Variants in KALRN observed in about 807,000 individuals in gnomAD.
KALRN encodes kalirin RhoGEF kinase.
KALRN carries 70 observed loss-of-function variants against 353.7 expected under a neutral mutation model. The observed-to-expected ratio is 0.20, with a 90% CI of 0.16 to 0.24. The LOEUF is 0.24. KALRN is among the 10% of genes least tolerant of loss of function. The pLI is 1.00. For missense variants in KALRN, 2,791 were observed against 3,756.7 expected (o/e 0.74, Z 6.72); for synonymous variants, 1,391 against 1,434.8 (o/e 0.97, Z 0.69).
intron 19 of KALRN, among the ~76,000 whole-genome samples, chr3:124,444,317 A>G (rs907806547): frequency 1.5e-4 from 23 of 152,230 alleles, no homozygotes; most frequent in African/African-American, 5.5e-4. Flanking sequence ...TACAAGGAGC[A>G]AAGTCAAGTC....
At chr3:124,701,714 G>A (rs2062350370) in intron 56 of KALRN, among the ~76,000 whole-genome samples, 1 of 151,800 alleles carries the variant, frequency 6.6e-6, no homozygotes, top group South Asian at 2.1e-4. Flanking sequence ...GCTTTTCTAG[G>A]TCTTCAAAGT....
intron 1 of KALRN, among the ~76,000 whole-genome samples, chr3:124,102,330 T>G (rs1165503171): frequency 4.6e-5 from 7 of 152,144 alleles, no homozygotes; most frequent in African/African-American, 2.4e-5. Flanking sequence ...AACCTTCATA[T>G]TTTCTTGTGC....
At position 124,033,792 on chromosome 3, in the gene KALRN, G is replaced by C. The variant is rs930745958; in HGVS notation, c.52G>C (p.Val18Leu). Among the ~76,000 whole-genome samples the C allele has an allele frequency of 6.6e-6, 1 of 152,180 alleles. No homozygotes were observed. Among genetic ancestry groups the C allele is most frequent in the African/African-American group, 2.4e-5 (1 of 41,452 alleles). ...AEEGGAADSD[V>L]DAFFRTGSFR... ...GGAAGGAGGAGCAGCAGACTCGGAC[G>C]TGGACGCCTTTTTCCGGACAGGTAA... is the stretch of plus-strand genomic sequence containing the variant. Residue 18 changes from valine (V) to leucine (L), a missense_variant, in exon 1 of 60, where the codon GTG becomes CTG. Val to Leu is a conservative substitution (Grantham distance 32). Coordinates refer to ENST00000682506, the MANE Select transcript of KALRN (RefSeq NM_001388419.1). The surrounding 1 kb of genome is among the most constrained non-coding windows in gnomAD (Gnocchi z 6.2).
intron 1 of KALRN, among the ~76,000 whole-genome samples, chr3:124,113,422 G>T (rs544574207): frequency 1.3e-5 from 2 of 152,302 alleles, no homozygotes; most frequent in African/African-American, 4.8e-5. Context: ...AGGAAGGCAG[G>T]TTTTGAAAGG....
chr3:124,724,038 T>TC lies in KALRN; in HGVS notation c.*4568_*4569insC, dbSNP rs2063389810. Reference sequence around the variant, plus strand: ...GAGGACAAACCTTGAATCTTTTTTTTTTTTTTTAGGTGGTTAGGTCTTTTA... The same window carrying TC: ...GAGGACAAACCTTGAATCTTTTTTTTCTTTTTTTAGGTGGTTAGGTCTTTTA... On this transcript the variant is annotated 3_prime_UTR_variant, in exon 60 of 60. Transcript: ENST00000682506. 1 of 152,004 alleles carries TC rather than the reference T, an allele frequency of 6.6e-6. No homozygotes were observed. Among genetic ancestry groups the TC allele is most frequent in the Admixed American group, 6.6e-5 (1 of 15,230 alleles). 9.4% of individuals were successfully genotyped at this position (152,004 alleles called of 1,614,324 possible). A position where few individuals can be genotyped will look rare whatever the true frequency, so the allele number is the denominator to read the frequency against.
intron 1 of KALRN, among the ~76,000 whole-genome samples, chr3:124,106,747 C>T (rs538828929): frequency 6.6e-5 from 10 of 152,292 alleles, no homozygotes; most frequent in Admixed American, 3.3e-4. Context: ...TCGGCTGAGC[C>T]TGGATGTGAA....
At chr3:124,517,191 T>C (rs1230690807) in intron 33 of KALRN, among the ~76,000 whole-genome samples, 1 of 152,180 alleles carries the variant, frequency 6.6e-6, no homozygotes, top group East Asian at 1.9e-4. Flanking sequence ...TTGCTGTGAG[T>C]TACTTCACAA....
Position 124,540,619 on chromosome 3 carries a change from C to G in KALRN, c.4936-22224C>G, listed in dbSNP as rs114612736. Reference sequence around the variant, plus strand: ...CCTTTTGTTTTACAGATGCAATAACCGTGGCTTAGAAAGTTAAAGTTGCTT... The same window carrying G: ...CCTTTTGTTTTACAGATGCAATAACGGTGGCTTAGAAAGTTAAAGTTGCTT... On this transcript the variant is annotated intron_variant, in intron 33 of 59. Coordinates refer to ENST00000682506, the MANE Select transcript of KALRN (RefSeq NM_001388419.1). Among the ~76,000 whole-genome samples the G allele has an allele frequency of 6.3e-3, 961 of 152,282 alleles. 10 individuals are homozygous for G. The highest frequency in any genetic ancestry group is 0.022 in the African/African-American group (905 of 41,548).
At chr3:124,154,880 C>T (rs1279472689) in intron 1 of KALRN, among the ~76,000 whole-genome samples, 1 of 152,094 alleles carries the variant, frequency 6.6e-6, no homozygotes, top group Non-Finnish European at 1.5e-5. Flanking sequence ...GCTACAGTAA[C>T]CAAAACAGCA....
intron 1 of KALRN, among the ~76,000 whole-genome samples, chr3:124,207,670 T>C (rs1822790): frequency 0.067 from 10,202 of 152,258 alleles, 316 homozygotes; most frequent in East Asian, 0.096. Flanking sequence ...TTGGGTGCAT[T>C]ATTTGCTTTC....
chr3:124,252,496 AGAG>A (rs2071313987), intron 3 of KALRN, among the ~76,000 whole-genome samples: 2 of 152,226 alleles, frequency 1.3e-5, no homozygotes, highest in African/African-American at 4.8e-5. Context: ...ACCACTTTAT[AGAG>A]GAGGACTTGA....
intron 6 of KALRN, among the ~76,000 whole-genome samples, chr3:124,316,094 C>A (rs774228034): frequency 4.6e-5 from 7 of 152,130 alleles, no homozygotes; most frequent in Non-Finnish European, 8.8e-5. Context: ...CCTTACACAA[C>A]CAGAGGCCCG....
chr3:124,642,227 T>C (rs2082109545), intron 37 of KALRN, among the ~76,000 whole-genome samples: 1 of 151,538 alleles, frequency 6.6e-6, no homozygotes, highest in South Asian at 2.1e-4. Flanking sequence ...GAGGTTGCAG[T>C]GAGCCGAGAT....
At chr3:124,055,258 A>G (rs1577622979) in intron 1 of KALRN, among the ~76,000 whole-genome samples, 3 of 152,346 alleles carry the variant, frequency 2.0e-5, no homozygotes, top group Admixed American at 6.5e-5. Flanking sequence ...ATCTGATTGT[A>G]AATGTCTGGT....
At chr3:124,421,020 T>G (rs1020275157) in intron 14 of KALRN, among the ~76,000 whole-genome samples, 5 of 152,190 alleles carry the variant, frequency 3.3e-5, no homozygotes, top group Non-Finnish European at 5.9e-5. Context: ...GGCTTTTAAG[T>G]CTGAACCCCA....
intron 15 of KALRN, among the ~76,000 whole-genome samples, chr3:124,428,299 A>G (rs2093117685): frequency 6.6e-6 from 1 of 152,226 alleles, no homozygotes. Context: ...CTTCTCATTA[A>G]GAGAGGTATA....
intron 13 of KALRN, among the ~76,000 whole-genome samples, chr3:124,410,805 A>G (rs2092085515): frequency 6.6e-6 from 1 of 152,204 alleles, no homozygotes; most frequent in African/African-American, 2.4e-5. Flanking sequence ...AAAGTTAAAC[A>G]TACACCTACC....
intron 10 of KALRN, among the ~76,000 whole-genome samples, chr3:124,362,906 G>A: frequency 6.6e-6 from 1 of 152,188 alleles, no homozygotes; most frequent in South Asian, 2.1e-4. Context: ...ATACAGCTAA[G>A]AGAATAGGAT....
At chr3:124,618,980 A>T (rs182736689) in intron 34 of KALRN, among the ~76,000 whole-genome samples, 3 of 152,210 alleles carry the variant, frequency 2.0e-5, no homozygotes, top group Admixed American at 2.0e-4. Context: ...GTTATGGTAT[A>T]TATCTTAGGT....
Sources: allele counts gnomAD v4.1 joint callset (sites outside exome capture counted in the v4.1 genomes callset), GRCh38; gene constraint gnomAD v4.1.1; non-coding constraint Gnocchi (gnomAD v3.1); transcripts MANE v1.5; gene names NCBI Gene and HGNC (gene_info 2026-07-23, HGNC 2026-07-21).